KNDC1: variants seen among roughly 807,000 people sequenced by gnomAD.
The protein encoded by KNDC1 is kinase non-catalytic C-lobe domain containing 1, also known as kinase non-catalytic C-lobe domain-containing protein 1.
A neutral mutation model predicts 172.8 loss-of-function variants in KNDC1; 106 were observed. That is an observed-to-expected ratio of 0.61 (90% CI 0.52 to 0.72). The LOEUF is 0.72. KNDC1 is among the 30% of genes least tolerant of loss of function. The pLI is 0.00. For missense variants in KNDC1, 2,325 were observed against 2,394.5 expected (o/e 0.97, Z 0.61); for synonymous variants, 1,083 against 1,062.2 (o/e 1.02, Z -0.38).
intron 5 of KNDC1, 62 bp from the exon 6 acceptor site, chr10:133,185,912 C>CGGAGGGGAGGGGG (rs1853891806): frequency 2.5e-6 from 1 of 397,390 alleles, no homozygotes; most frequent in African/African-American, 5.6e-5. Context: ...AGGGGAGGGG[C>CGGAGGGGAGGGGG]GGGAGGAGAG....
At chr10:133,212,115 T>G (rs2998126) in intron 23 of KNDC1, among the ~76,000 whole-genome samples, 63,237 of 151,040 alleles carry the variant, frequency 0.42, 14,140 homozygotes, top group East Asian at 0.63. Flanking sequence ...GCACACTCAA[T>G]CCACACGTGC....
At chr10:133,198,049 C>A (rs1277382336) in intron 12 of KNDC1, among the ~76,000 whole-genome samples, 1 of 152,100 alleles carries the variant, frequency 6.6e-6, no homozygotes, top group East Asian at 1.9e-4. Flanking sequence ...AGAGTCCACA[C>A]AGAGCCCACC....
intron 3 of KNDC1, among the ~76,000 whole-genome samples, chr10:133,170,748 C>G (rs1853351394): frequency 6.6e-6 from 1 of 152,190 alleles, no homozygotes; most frequent in African/African-American, 2.4e-5. Context: ...ATTTGTAAAT[C>G]TTTCACGTCT....
At chr10:133,192,908 A>G (rs992207152) in intron 9 of KNDC1, among the ~76,000 whole-genome samples, 1 of 152,200 alleles carries the variant, frequency 6.6e-6, no homozygotes, top group Admixed American at 6.5e-5. Context: ...AAAACTTCCA[A>G]ATTTTGGCAA....
Position 133,207,131 on chromosome 10 carries a change from C to T in KNDC1, c.3580-6C>T, listed in dbSNP as rs1365719377. 7.0e-6 allele frequency: 11 copies of T among 1,578,348 alleles called. No homozygotes were observed. The highest frequency in any genetic ancestry group is 3.4e-5 in the South Asian group (3 of 87,912). On this transcript the variant is annotated splice_region_variant and splice_polypyrimidine_tract_variant and intron_variant, in intron 19 of 29. Transcript: ENST00000304613. ...GTGACCAAGCGCCCGTGTCCCGCTC[C>T]GGCAGGTCATGTACGCGGAACGCTG...
chr10:133,199,943 A>G (rs1176949707), intron 15 of KNDC1, among the ~76,000 whole-genome samples: 1 of 152,078 alleles, frequency 6.6e-6, no homozygotes, highest in East Asian at 1.9e-4. Context: ...TGAGGGCCCC[A>G]AGGAGGTGAA....
At chr10:133,187,198 G>C (rs533636961) in intron 6 of KNDC1, among the ~76,000 whole-genome samples, 1 of 152,366 alleles carries the variant, frequency 6.6e-6, no homozygotes, top group African/African-American at 2.4e-5. Flanking sequence ...CTGGGATCTG[G>C]TGCGGCTGCC....
intron 3 of KNDC1, among the ~76,000 whole-genome samples, chr10:133,175,294 C>T (rs1168171291): frequency 9.2e-5 from 9 of 98,322 alleles, no homozygotes; most frequent in Non-Finnish European, 1.9e-4. Flanking sequence ...GGATGGGTGG[C>T]TGGATGGGTG....
At chr10:133,191,265 T>G (rs1350815236) in intron 9 of KNDC1, among the ~76,000 whole-genome samples, 2 of 87,722 alleles carry the variant, frequency 2.3e-5, no homozygotes, top group Non-Finnish European at 4.9e-5. Flanking sequence ...CAGCCAGGTG[T>G]GGTGGCGCAT....
At position 133,220,004 on chromosome 10, in the gene KNDC1, G is replaced by A. The variant is rs749196263; in HGVS notation, c.4910G>A (p.Arg1637Gln). ...TGTCTGATGGAAGGGCGGCGCTTCCGGGCGCAGCCCACCCTGCCCTCGGCC... is the reference window on the plus strand; with the variant it reads ...TGTCTGATGGAAGGGCGGCGCTTCCAGGCGCAGCCCACCCTGCCCTCGGCC... ...SLCLMEGRRF[R>Q]AQPTLPSAHL... The change falls in exon 29 of 30, where the codon CGG becomes CAG. Residue 1637 changes from arginine (R) to glutamine (Q), a missense_variant. Coordinates refer to ENST00000304613, the MANE Select transcript of KNDC1 (RefSeq NM_152643.8). 7.1e-6 allele frequency: 11 copies of A among 1,553,854 alleles called. No individual in the cohort carries two copies. The African/African-American group carries it at 8.2e-5, about 12-fold the overall frequency.
Position 133,209,284 on chromosome 10 carries a change from G to A in KNDC1, c.3795-1327G>A, listed in dbSNP as rs1270353246. Among the ~76,000 whole-genome samples, 1 of 150,220 alleles carries A rather than the reference G, an allele frequency of 6.7e-6. No individual in the cohort carries two copies. Among genetic ancestry groups the A allele is most frequent in the Non-Finnish European group, 1.5e-5 (1 of 67,542 alleles). On this transcript the variant is annotated intron_variant, in intron 20 of 29. Transcript: ENST00000304613. This position sits in a 1 kb window ranked among gnomAD's most constrained non-coding sequence, Gnocchi z 4.9. ...TGCGGTAGTGTGTGTGTGGTGTGTG[G>A]AGTATAGTGTGTGTGGTGTGGGGTA...
chr10:133,166,212 A>AG (rs981864696), intron 1 of KNDC1, among the ~76,000 whole-genome samples: 1 of 151,208 alleles, frequency 6.6e-6, no homozygotes, highest in Non-Finnish European at 1.5e-5. Context: ...GCACTGGGGG[A>AG]GGGGGGGCCA....
intron 9 of KNDC1, among the ~76,000 whole-genome samples, chr10:133,190,215 CCCA>C (rs1379768434): frequency 1.3e-5 from 2 of 152,158 alleles, no homozygotes; most frequent in Non-Finnish European, 2.9e-5. Flanking sequence ...TCCCGCTCCT[CCCA>C]CCGAGGAAGA....
chr10:133,185,265 G>A (rs552378549), intron 5 of KNDC1, among the ~76,000 whole-genome samples: 4 of 150,618 alleles, frequency 2.7e-5, no homozygotes, highest in African/African-American at 9.9e-5. Flanking sequence ...TGTAGAGTAG[G>A]CAGTGTGTGC....
chr10:133,211,784 A>G lies in KNDC1; in HGVS notation c.4162A>G (p.Arg1388Gly). The G allele has an allele frequency of 6.2e-7, 1 of 1,610,562 alleles. No homozygotes were observed. The highest frequency in any genetic ancestry group is 8.5e-7 in the Non-Finnish European group (1 of 1,179,278). Residue 1388 changes from arginine to glycine, a missense_variant, in exon 23 of 30, where the codon AGG becomes GGG. By Grantham distance (125) the Arg-to-Gly change is moderately radical (BLOSUM62 -2). Transcript: ENST00000304613. ...NPRGTDLENP[R>G]EAEEDARPFN... Reference sequence around the variant, plus strand: ...TCGCGGCACAGACCTGGAGAACCCCAGGGAGGCCGAGGAGGATGCCAGACC... The same window carrying G: ...TCGCGGCACAGACCTGGAGAACCCCGGGGAGGCCGAGGAGGATGCCAGACC...
At chr10:133,219,819 C>A in intron 28 of KNDC1, 136 bp from the exon 29 acceptor site, 2 of 853,948 alleles carry the variant, frequency 2.3e-6, no homozygotes, top group Non-Finnish European at 3.4e-6. Context: ...GAAGCTAATT[C>A]AGAGAGCCGG....
At chr10:133,222,508 T>A (rs74968330) in intron 29 of KNDC1, among the ~76,000 whole-genome samples, 2,804 of 15,306 alleles carry the variant, frequency 0.18, 466 homozygotes, top group Non-Finnish European at 0.27. Flanking sequence ...TGTGTGTGTG[T>A]GAGCCCATCC....
At chr10:133,183,226 C>T in intron 3 of KNDC1, 118 bp from the exon 4 acceptor site, 2 of 1,252,886 alleles carry the variant, frequency 1.6e-6, no homozygotes, top group Non-Finnish European at 2.2e-6. Flanking sequence ...GTGCTGCTTC[C>T]CCTCAGGGGA....
At chr10:133,188,271 G>A (rs1005758336) in intron 6 of KNDC1, among the ~76,000 whole-genome samples, 4 of 152,182 alleles carry the variant, frequency 2.6e-5, no homozygotes, top group African/African-American at 9.7e-5. Context: ...GGTGTATGTT[G>A]AGCTTTTCAA....
Sources: gnomAD v4.1 joint callset for allele counts (sites outside exome capture counted in the v4.1 genomes callset) on GRCh38, gnomAD v4.1.1 for gene constraint, Gnocchi (gnomAD v3.1) non-coding constraint, MANE v1.5 for transcripts, NCBI Gene and HGNC (gene_info 2026-07-23, HGNC 2026-07-21) for gene names.